SPATS2: variants seen among roughly 807,000 people sequenced by gnomAD.
SPATS2 encodes spermatogenesis-associated serine-rich protein 2.
SPATS2 carries 38 observed loss-of-function variants against 63.7 expected under a neutral mutation model. That is an observed-to-expected ratio of 0.60 (90% CI 0.46 to 0.78). The LOEUF is 0.78. Among genes scored for constraint, SPATS2 ranks in the 30% least tolerant of loss-of-function variants. The probability of loss-of-function intolerance (pLI) is 0.00; values close to 1 mark genes in which losing one functional copy is unlikely to be tolerated. For synonymous variants in SPATS2, 207 were observed against 232.9 expected, an observed-to-expected ratio of 0.89 and a Z score of 1.01; for missense variants, 588 against 666.2, an observed-to-expected ratio of 0.88 and a Z score of 1.29.
intron 2 of SPATS2, among the ~76,000 whole-genome samples, chr12:49,410,201 G>T (rs530929719): frequency 6.6e-6 from 1 of 152,088 alleles, no homozygotes; most frequent in South Asian, 2.1e-4. Context: ...TCAGCCTCCT[G>T]AGTAGCTGGG....
At chr12:49,374,101 A>G (rs558285797) in intron 2 of SPATS2, among the ~76,000 whole-genome samples, 1 of 152,056 alleles carries the variant, frequency 6.6e-6, no homozygotes, top group South Asian at 2.1e-4. Context: ...AAAAAAAAAA[A>G]TTGAAGTTTA....
chr12:49,385,376 G>GTGTGTC (rs1944296144), intron 2 of SPATS2, among the ~76,000 whole-genome samples: 1 of 151,318 alleles, frequency 6.6e-6, no homozygotes, highest in Non-Finnish European at 1.5e-5. Flanking sequence ...GTGTGTGTGT[G>GTGTGTC]TGTGTGTGTG....
chr12:49,457,001 A>T (rs1945730985), intron 2 of SPATS2, among the ~76,000 whole-genome samples: 1 of 150,956 alleles, frequency 6.6e-6, no homozygotes, highest in Non-Finnish European at 1.5e-5. Context: ...GCTATTTCTG[A>T]CTTCTTATTG....
Position 49,524,889 on chromosome 12 carries a change from T to A in SPATS2, c.1319T>A (p.Leu440His), listed in dbSNP as rs761574170. The A allele has an allele frequency of 5.6e-6, 9 of 1,613,274 alleles. No homozygotes were observed. In the Admixed American group the frequency reaches 1.5e-4, roughly 27 times the overall value. The change falls in exon 13 of 14, where the codon CTT (leucine) becomes CAT (histidine). Residue 440 changes from leucine to histidine, a missense_variant. Coordinates refer to ENST00000552918, the MANE Select transcript of SPATS2 (RefSeq NM_023071.4). ...TCCAGTGGCCAGCCCTACCAGCCAC[T>A]TCGGGAGGTAACCTAGCTTCTACAC... The part of the protein sequence containing the change: ...ANSSGQPYQP[L>H]REVLPGNRRG...
chr12:49,492,598 A>T (rs1160614083), intron 6 of SPATS2, among the ~76,000 whole-genome samples: 2 of 152,152 alleles, frequency 1.3e-5, no homozygotes, highest in East Asian at 3.8e-4. Context: ...CTGGAAGAGG[A>T]TGTGTGTTAG....
At chr12:49,436,919 C>T (rs1403431956) in intron 2 of SPATS2, among the ~76,000 whole-genome samples, 2 of 138,788 alleles carry the variant, frequency 1.4e-5, no homozygotes, top group African/African-American at 2.7e-5. Context: ...GATGACCCCC[C>T]CACCTCCCTC....
At chr12:49,511,999 A>G (rs940409141) in intron 9 of SPATS2, among the ~76,000 whole-genome samples, 1 of 152,228 alleles carries the variant, frequency 6.6e-6, no homozygotes, top group Non-Finnish European at 1.5e-5. Context: ...GCAGATGTAG[A>G]TGACATGTCA....
chr12:49,385,357 A>AGT (rs57896651), intron 2 of SPATS2, among the ~76,000 whole-genome samples: 44,153 of 141,860 alleles, frequency 0.31, 7,357 homozygotes, highest in East Asian at 0.69. Flanking sequence ...TAAGTATATA[A>AGT]GTGTGTGTGT....
chr12:49,479,883 C>T (rs1946177506), intron 3 of SPATS2, among the ~76,000 whole-genome samples: 1 of 152,178 alleles, frequency 6.6e-6, no homozygotes, highest in Non-Finnish European at 1.5e-5. Flanking sequence ...TTACACAGCA[C>T]TAATGTAAAG....
Position 49,390,170 on chromosome 12 carries a change from C to T in SPATS2, c.-244+18880C>T, listed in dbSNP as rs114602392. On this transcript the variant is annotated intron_variant, in intron 2 of 13. Transcript: ENST00000552918. ...TTGAGTCTGAGGAAGAGCTGAAGAGCTTCTGAGTCTGTGAGCTTCTTACAT... is the reference window on the plus strand; with the variant it reads ...TTGAGTCTGAGGAAGAGCTGAAGAGTTTCTGAGTCTGTGAGCTTCTTACAT... 6,637 of 1,493,736 alleles carry T rather than the reference C, an allele frequency of 4.4e-3. 93 individuals carry two copies. Among genetic ancestry groups the T allele is most frequent in the African/African-American group, 0.039 (2,760 of 71,556 alleles). 92.5% of individuals were successfully genotyped at this position (1,493,736 alleles called of 1,614,324 possible). A position where few individuals can be genotyped will look rare whatever the true frequency, so the allele number is the denominator to read the frequency against.
Position 49,433,396 on chromosome 12 carries a change from C to G in SPATS2, c.-243-27374C>G, listed in dbSNP as rs534959142. 3.3e-5 allele frequency among the ~76,000 whole-genome samples: 5 copies of G among 152,354 alleles called. No individual in the cohort carries two copies. The East Asian group carries it at 7.7e-4, about 24-fold the overall frequency. ...CAGGCTGGTCTCGAACTCCTGACCT[C>G]AAGTGATCTGCCGACCTCGGCCTCC... On this transcript the variant is annotated intron_variant, in intron 2 of 13. Transcript: ENST00000552918.
intron 1 of SPATS2, among the ~76,000 whole-genome samples, 199 bp downstream of exon 1, chr12:49,367,786 C>A (rs1943926801): frequency 6.6e-6 from 1 of 150,998 alleles, no homozygotes; most frequent in South Asian, 2.1e-4. Context: ...GGTGAAACAC[C>A]CGCGTCGGAG....
chr12:49,381,832 C>T (rs751718911), intron 2 of SPATS2, among the ~76,000 whole-genome samples: 6 of 152,138 alleles, frequency 3.9e-5, no homozygotes, highest in Admixed American at 1.3e-4. Flanking sequence ...GAATTTTATC[C>T]TCCAGTTGGG....
intron 3 of SPATS2, 126 bp downstream of exon 3, chr12:49,461,163 G>T: frequency 5.1e-6 from 5 of 976,874 alleles, no homozygotes; most frequent in Non-Finnish European, 7.7e-6. Context: ...ATGGATATTA[G>T]ATTATCGCTT....
chr12:49,385,863 G>GTTTGTTT (rs546298787), intron 2 of SPATS2, among the ~76,000 whole-genome samples: 7,691 of 126,024 alleles, frequency 0.061, 299 homozygotes, highest in Non-Finnish European at 0.089. Flanking sequence ...TTGTTTGTTT[G>GTTTGTTT]TTTGTTTTTT....
intron 2 of SPATS2, among the ~76,000 whole-genome samples, chr12:49,438,357 T>C (rs910247376): frequency 1.3e-5 from 2 of 152,246 alleles, no homozygotes; most frequent in African/African-American, 4.8e-5. Flanking sequence ...CTATTCATCT[T>C]CTTGTTACCA....
intron 3 of SPATS2, among the ~76,000 whole-genome samples, chr12:49,482,535 CA>C (rs1946224035): frequency 6.6e-6 from 1 of 152,152 alleles, no homozygotes; most frequent in Admixed American, 6.5e-5. Flanking sequence ...TAAAAGCCAG[CA>C]AAAACAGTAA....
chr12:49,397,762 T>G (rs1944535925), intron 2 of SPATS2, among the ~76,000 whole-genome samples: 1 of 148,736 alleles, frequency 6.7e-6, no homozygotes, highest in African/African-American at 2.5e-5. Flanking sequence ...CCCAGGAGTT[T>G]GAGGCTGCAG....
chr12:49,478,029 T>C (rs11169043), intron 3 of SPATS2, among the ~76,000 whole-genome samples: 50,809 of 148,380 alleles, frequency 0.34, 12,238 homozygotes, highest in African/African-American at 0.69. Flanking sequence ...GGCTGGAGTG[T>C]AGTGGCATGC....
Sources: allele counts gnomAD v4.1 joint callset (sites outside exome capture counted in the v4.1 genomes callset), GRCh38; gene constraint gnomAD v4.1.1; transcripts MANE v1.5; gene names NCBI Gene and HGNC (gene_info 2026-07-23, HGNC 2026-07-21).